The following PCDH11Y variants were observed in gnomAD, a reference collection of about 807,000 sequenced individuals.
PCDH11Y encodes protocadherin 11 Y-linked.
For missense variants in PCDH11Y, 12 were observed against 224.8 expected, an observed-to-expected ratio of 0.05 and a Z score of 6.05; for synonymous variants, 9 against 83.6, an observed-to-expected ratio of 0.11 and a Z score of 4.87.
At chrY:5,065,211 T>G in intron 1 of PCDH11Y, among the ~76,000 whole-genome samples, 1 of 33,227 alleles carries the variant, frequency 3.0e-5, no homozygotes, top group Non-Finnish European at 7.4e-5. Flanking sequence ...CAGTAATACT[T>G]TTTGCCAACA....
chrY:5,408,130 G>C, intron 2 of PCDH11Y, among the ~76,000 whole-genome samples: 1 of 32,891 alleles, frequency 3.0e-5, no homozygotes, highest in Non-Finnish European at 7.4e-5. Flanking sequence ...TTGACGAACT[G>C]TCATAGTCAA....
chrY:5,002,089 A>G, intron 1 of PCDH11Y, among the ~76,000 whole-genome samples: 1 of 34,288 alleles, frequency 2.9e-5, no homozygotes, highest in Non-Finnish European at 7.3e-5. Flanking sequence ...CTCAACAACA[A>G]ACAAAATAAA....
intron 2 of PCDH11Y, among the ~76,000 whole-genome samples, chrY:5,414,980 G>C: frequency 3.0e-5 from 1 of 33,034 alleles, no homozygotes; most frequent in East Asian, 7.9e-4. Flanking sequence ...GGCCAGGCTG[G>C]TGTCTAACTC....
intron 4 of PCDH11Y, among the ~76,000 whole-genome samples, chrY:5,732,178 T>C: frequency 3.2e-5 from 1 of 31,405 alleles, no homozygotes; most frequent in Non-Finnish European, 7.8e-5. Context: ...ATGAAGTTGT[T>C]AGCTGTTTGC....
chrY:5,667,541 G>A (rs2053545804), intron 4 of PCDH11Y, among the ~76,000 whole-genome samples: 1 of 31,578 alleles, frequency 3.2e-5, no homozygotes, highest in Non-Finnish European at 7.6e-5. Flanking sequence ...ACTTCCGGCA[G>A]GCACCACCAC....
intron 2 of PCDH11Y, among the ~76,000 whole-genome samples, chrY:5,287,036 G>A: frequency 3.0e-5 from 1 of 33,342 alleles, no homozygotes; most frequent in East Asian, 7.9e-4. Context: ...CTGTGGGAAT[G>A]TCATAGATAG....
intron 2 of PCDH11Y, among the ~76,000 whole-genome samples, chrY:5,437,597 C>T (rs2053276521): frequency 3.1e-5 from 1 of 32,321 alleles, no homozygotes; most frequent in African/African-American, 1.2e-4. Flanking sequence ...TTGGTGAGCC[C>T]ATGTATAGGA....
At chrY:5,390,418 T>G in intron 2 of PCDH11Y, among the ~76,000 whole-genome samples, 1 of 33,797 alleles carries the variant, frequency 3.0e-5, no homozygotes, top group Non-Finnish European at 7.3e-5. Context: ...ATCCCATGAC[T>G]GTAACCATAA....
chrY:5,195,624 G>A, intron 2 of PCDH11Y, among the ~76,000 whole-genome samples: 2 of 33,382 alleles, frequency 6.0e-5, no homozygotes. Context: ...ATTTAATAAA[G>A]CATTACAGGA....
chrY:5,172,789 C>G, intron 2 of PCDH11Y, among the ~76,000 whole-genome samples: 2 of 30,763 alleles, frequency 6.5e-5, no homozygotes, highest in Non-Finnish European at 1.6e-4. Flanking sequence ...CAAAAACAGC[C>G]AAATTATAGT....
At chrY:5,563,140 C>A in intron 3 of PCDH11Y, among the ~76,000 whole-genome samples, 1 of 33,027 alleles carries the variant, frequency 3.0e-5, no homozygotes, top group East Asian at 8.1e-4. Context: ...CATGAGAGCT[C>A]AAATTACATC....
intron 2 of PCDH11Y, among the ~76,000 whole-genome samples, chrY:5,397,904 T>A: frequency 1.2e-4 from 4 of 32,877 alleles, no homozygotes; most frequent in Non-Finnish European, 2.2e-4. Context: ...GCCCCATTGC[T>A]CAAGATTCAG....
intron 2 of PCDH11Y, among the ~76,000 whole-genome samples, chrY:5,461,277 T>A: frequency 3.0e-5 from 1 of 33,576 alleles, no homozygotes; most frequent in Non-Finnish European, 7.4e-5. Flanking sequence ...TATTTGCATA[T>A]GTAGACATAT....
At chrY:5,028,206 G>A in intron 1 of PCDH11Y, among the ~76,000 whole-genome samples, 2 of 33,194 alleles carry the variant, frequency 6.0e-5, no homozygotes. Flanking sequence ...GGCTAGTGTC[G>A]ATATTCCTTG....
chrY:5,471,603 C>T, intron 2 of PCDH11Y, among the ~76,000 whole-genome samples: 1 of 32,186 alleles, frequency 3.1e-5, no homozygotes, highest in African/African-American at 1.2e-4. Context: ...TATAAAAGAT[C>T]TGAAGTGTAA....
At chrY:5,619,237 T>C in intron 4 of PCDH11Y, among the ~76,000 whole-genome samples, 1 of 32,745 alleles carries the variant, frequency 3.1e-5, no homozygotes, top group Non-Finnish European at 7.5e-5. Flanking sequence ...TTGTATTTTA[T>C]AGGGGCTTAT....
chrY:5,047,225 G>T (rs2052644806), intron 3 of PCDH11Y, among the ~76,000 whole-genome samples: 1 of 32,854 alleles, frequency 3.0e-5, no homozygotes. Context: ...AAAATTGTTG[G>T]TATATATTTG....
chrY:5,065,302 C>G, intron 1 of PCDH11Y, among the ~76,000 whole-genome samples: 1 of 32,696 alleles, frequency 3.1e-5, no homozygotes, highest in African/African-American at 1.2e-4. Context: ...GTGGTAATTA[C>G]CTAAGTCTTT....
chrY:5,515,671 A>G (rs2053371266), intron 3 of PCDH11Y, among the ~76,000 whole-genome samples: 3 of 33,495 alleles, frequency 9.0e-5, no homozygotes, highest in African/African-American at 3.5e-4. Context: ...AATTCAAACT[A>G]TAGTACAAGG....
Sources: gnomAD v4.1 joint callset for allele counts (sites outside exome capture counted in the v4.1 genomes callset) on GRCh38, gnomAD v4.1.1 for gene constraint, MANE v1.5 for transcripts, NCBI Gene and HGNC (gene_info 2026-07-23, HGNC 2026-07-21) for gene names.